Variants in SNX21 observed in about 807,000 individuals in gnomAD.
The protein encoded by SNX21 is sorting nexin-21.
In SNX21, 36 loss-of-function variants were observed where a neutral mutation model predicts 30.9. The observed-to-expected ratio is 1.16, with a 90% CI of 0.89 to 1.54. The LOEUF is 1.54. Ranked by LOEUF, SNX21 falls within the 40% of genes most tolerant of loss-of-function variation. The probability of loss-of-function intolerance (pLI) is 0.00; values close to 1 mark genes in which losing one functional copy is unlikely to be tolerated. For synonymous variants in SNX21, 218 were observed against 222.7 expected, an observed-to-expected ratio of 0.98 and a Z score of 0.19; for missense variants, 508 against 516.5, an observed-to-expected ratio of 0.98 and a Z score of 0.16.
At position 45,841,594 on chromosome 20, in the gene SNX21, T is replaced by C. The variant is rs969576357; in HGVS notation, c.*281T>C. 3.6e-6 allele frequency: 5 copies of C among 1,397,250 alleles called. No homozygotes were observed. The Admixed American group carries it at 1.0e-4, about 28-fold the overall frequency. The allele number at this position is 1,397,250 out of a possible 1,614,324, so 86.6% of individuals were successfully genotyped here. A position where few individuals can be genotyped will look rare whatever the true frequency, so the allele number is the denominator to read the frequency against. ...GGCACAGGTTGGGGCAATGTTCCCTTGTTGGTGGGCCCCCAAGCTGGCAAG... is the reference window on the plus strand; with the variant it reads ...GGCACAGGTTGGGGCAATGTTCCCTCGTTGGTGGGCCCCCAAGCTGGCAAG... On this transcript the variant is annotated 3_prime_UTR_variant, in exon 4 of 4. Coordinates refer to ENST00000491381, the MANE Select transcript of SNX21 (RefSeq NM_033421.4).
rs781508806 is a variant in SNX21 at position 45,841,345 on chromosome 20, G to A, written c.*32G>A. The A allele has an allele frequency of 2.6e-6, 4 of 1,519,692 alleles. No individual in the cohort carries two copies. The highest frequency in any genetic ancestry group is 3.5e-6 in the Non-Finnish European group (4 of 1,135,476). 94.1% of individuals were successfully genotyped at this position (1,519,692 alleles called of 1,614,324 possible). ...CCTAGATTTAAGGCCACTGTGAGGAGAGGGGTTGCCCCAGAAGGCAGGGGA... is the reference window on the plus strand; with the variant it reads ...CCTAGATTTAAGGCCACTGTGAGGAAAGGGGTTGCCCCAGAAGGCAGGGGA... On this transcript the variant is annotated 3_prime_UTR_variant, in exon 4 of 4. Coordinates refer to ENST00000491381, the MANE Select transcript of SNX21 (RefSeq NM_033421.4).
rs774557310 is a variant in SNX21 at position 45,841,806 on chromosome 20, C to T, written c.*493C>T. ...CAGGAATGGGGATAGATGGGAGGTT[C>T]TTGAAGCCCCAGGCGAAGCTGGTAC... On this transcript the variant is annotated 3_prime_UTR_variant, in exon 4 of 4. Transcript: ENST00000491381. The T allele has an allele frequency of 2.6e-6, 4 of 1,561,122 alleles. No individual in the cohort carries two copies. The highest frequency in any genetic ancestry group is 3.5e-6 in the Non-Finnish European group (4 of 1,159,300).
intron 3 of SNX21, among the ~76,000 whole-genome samples, chr20:45,837,478 T>C (rs1983642229): frequency 6.6e-6 from 1 of 152,226 alleles, no homozygotes; most frequent in Admixed American, 6.5e-5. Flanking sequence ...GGCTAGAGTA[T>C]TGTCAGTTCC....
At chr20:45,835,161 G>C (rs758522504) in intron 3 of SNX21, 45 bp downstream of exon 3, 5 of 1,559,730 alleles carry the variant, frequency 3.2e-6, no homozygotes, top group Non-Finnish European at 3.5e-6. Flanking sequence ...CCAGAAGTAT[G>C]GCTAGGAGCA....
At position 45,841,619 on chromosome 20, in the gene SNX21, G is replaced by A. The variant is rs1984132903; in HGVS notation, c.*306G>A. On this transcript the variant is annotated 3_prime_UTR_variant, in exon 4 of 4. Transcript: ENST00000491381. ...TGTTGGTGGGCCCCCAAGCTGGCAA[G>A]GCCTCTTGGCTGAAGGCCAGGGACT... 2 of 1,404,068 alleles carry A rather than the reference G, an allele frequency of 1.4e-6. No individual in the cohort carries two copies. Among genetic ancestry groups the A allele is most frequent in the African/African-American group, 2.9e-5 (2 of 69,058 alleles). The allele number at this position is 1,404,068 out of a possible 1,614,324, so 87.0% of individuals were successfully genotyped here.
chr20:45,835,068 C>T lies in SNX21; in HGVS notation c.399C>T (p.Phe133=), dbSNP rs370207536. 5.9e-5 allele frequency: 96 copies of T among 1,614,076 alleles called. No homozygotes were observed. The highest frequency in any genetic ancestry group is 7.9e-5 in the Non-Finnish European group (93 of 1,180,052). Residue 133 remains phenylalanine, a synonymous_variant, in exon 3 of 4, where the codon TTC becomes TTT. Transcript: ENST00000491381. ...RNTLAPQRLL[F]EVTSANVVKD... is the part of the protein sequence containing the mutation. Reference sequence around the variant, plus strand: ...CCTTGGCACCCCAGCGGCTGCTCTTCGAAGTGACCAGCGCTAACGTTGTCA... The same window carrying T: ...CCTTGGCACCCCAGCGGCTGCTCTTTGAAGTGACCAGCGCTAACGTTGTCA...
In SNX21 at chr20:45,842,057, T is replaced by A. The variant is rs1190705842; in HGVS notation, c.*744T>A. 1.9e-6 allele frequency: 3 copies of A among 1,545,168 alleles called. No homozygotes were observed. Among genetic ancestry groups the A allele is most frequent in the Admixed American group, 3.9e-5 (2 of 51,206 alleles). On this transcript the variant is annotated 3_prime_UTR_variant, in exon 4 of 4. Coordinates refer to ENST00000491381, the MANE Select transcript of SNX21 (RefSeq NM_033421.4). ...GAGTCTCACTAAGTTGCCAGGCTGGTCTCAAGCGCCTGGGTTCAAGGGATC... is the reference window on the plus strand; with the variant it reads ...GAGTCTCACTAAGTTGCCAGGCTGGACTCAAGCGCCTGGGTTCAAGGGATC...
In SNX21 at chr20:45,833,854, AC is replaced by A; in HGVS notation, c.-63del. 1 of 1,291,538 alleles carries A rather than the reference AC, an allele frequency of 7.7e-7. No homozygotes were observed. The highest frequency in any genetic ancestry group is 9.8e-7 in the Non-Finnish European group (1 of 1,016,230). 80.0% of individuals were successfully genotyped at this position (1,291,538 alleles called of 1,614,324 possible). A position where few individuals can be genotyped will look rare whatever the true frequency, so the allele number is the denominator to read the frequency against. On this transcript the variant is annotated 5_prime_UTR_variant, in exon 1 of 4. Transcript: ENST00000491381. ...CCTGAGCCCGGCGGAGCCCTGCAGA[AC>A]CCGGCCGACCTCCATGGGCTGCGGG...
Position 45,842,321 on chromosome 20 carries a change from C to G in SNX21, c.*1008C>G. ...TTAAAAGCACTTTCACACCTCTCCT[C>G]GCTTCCTCAAAAAGATCACAGAGGG... On this transcript the variant is annotated 3_prime_UTR_variant, in exon 4 of 4. Coordinates refer to ENST00000491381, the MANE Select transcript of SNX21 (RefSeq NM_033421.4). 1 of 1,400,830 alleles carries G rather than the reference C, an allele frequency of 7.1e-7. No homozygotes were observed. The highest frequency in any genetic ancestry group is 1.6e-5 in the South Asian group (1 of 61,546). 86.8% of individuals were successfully genotyped at this position (1,400,830 alleles called of 1,614,324 possible).
At chr20:45,835,483 G>A (rs1227517428) in intron 3 of SNX21, among the ~76,000 whole-genome samples, 6 of 152,198 alleles carry the variant, frequency 3.9e-5, no homozygotes, top group Non-Finnish European at 8.8e-5. Flanking sequence ...TGGGCTGGTA[G>A]TTAAGGAAAT....
chr20:45,840,224 T>A, intron 3 of SNX21: 1 of 1,422,572 alleles, frequency 7.0e-7, no homozygotes, highest in Non-Finnish European at 9.2e-7. Context: ...TGACCAGGGA[T>A]GTGGAGGCCA....
In SNX21 at chr20:45,834,391, A is replaced by G. The variant is rs746823628; in HGVS notation, c.212A>G (p.Asp71Gly). The G allele has an allele frequency of 5.0e-6, 8 of 1,598,946 alleles. No homozygotes were observed. In the Admixed American group the frequency reaches 5.1e-5, roughly 10 times the overall value. The stretch of plus-strand genomic sequence containing the variant: ...TTCACCAGCGCCGAGGACGACGAGG[A>G]CGACGAGGACGAGGACGACGAGGAG... ...LSFTSAEDDE[D>G]DEDEDDEEAG... is the part of the protein sequence containing the mutation. The change falls in exon 2 of 4, where the codon GAC becomes GGC. Residue 71 changes from aspartate to glycine, a missense_variant. By Grantham distance (94) the Asp-to-Gly change is moderately conservative. Coordinates refer to ENST00000491381, the MANE Select transcript of SNX21 (RefSeq NM_033421.4).
rs922687088 is a variant in SNX21 at position 45,840,381 on chromosome 20, G to A, written c.448-258G>A. On this transcript the variant is annotated intron_variant, in intron 3 of 3. Coordinates refer to ENST00000491381, the MANE Select transcript of SNX21 (RefSeq NM_033421.4). Reference sequence around the variant, plus strand: ...AGGGAGTACAAAAAAAGGGGCAGCAGCCCCGGGCACTGAAGCTCATCTCTG... The same window carrying A: ...AGGGAGTACAAAAAAAGGGGCAGCAACCCCGGGCACTGAAGCTCATCTCTG... 9.3e-6 allele frequency: 15 copies of A among 1,613,966 alleles called. No homozygotes were observed. In the East Asian group the frequency reaches 2.9e-4, roughly 31 times the overall value.
In SNX21 at chr20:45,834,030, G is replaced by A. The variant is rs984629171; in HGVS notation, c.21+90G>A. ...CGGTCCTAGGCTGAGTGGGTTGGGG[G>A]GAAAGCGATGCTGGCTGGGTCCCCT... On this transcript the variant is annotated intron_variant, in intron 1 of 3. Transcript: ENST00000491381. The A allele has an allele frequency of 7.7e-6, 11 of 1,419,624 alleles. No homozygotes were observed. In the Admixed American group the frequency reaches 1.9e-4, roughly 25 times the overall value. 87.9% of individuals were successfully genotyped at this position (1,419,624 alleles called of 1,614,324 possible).
chr20:45,841,847 GCT>G lies in SNX21; in HGVS notation c.*539_*540del. 6.2e-7 allele frequency: 1 copy of G among 1,604,288 alleles called. No individual in the cohort carries two copies. The highest frequency in any genetic ancestry group is 8.5e-7 in the Non-Finnish European group (1 of 1,176,908). ...AAGCTGGTACCTCTGGCTACAGCTT[GCT>G]CTCTGAGACCTGGGGCTTCACTCGG... On this transcript the variant is annotated 3_prime_UTR_variant, in exon 4 of 4. Coordinates refer to ENST00000491381, the MANE Select transcript of SNX21 (RefSeq NM_033421.4).
intron 3 of SNX21, among the ~76,000 whole-genome samples, chr20:45,836,640 A>T (rs1308032479): frequency 1.3e-5 from 2 of 152,118 alleles, no homozygotes; most frequent in African/African-American, 2.4e-5. Context: ...AGCTAGGACT[A>T]CAGCTGTGCA....
chr20:45,838,105 C>T lies in SNX21; in HGVS notation c.448-2534C>T, dbSNP rs550148065. 9.2e-5 allele frequency among the ~76,000 whole-genome samples: 14 copies of T among 151,590 alleles called. No individual in the cohort carries two copies. The South Asian group carries it at 1.9e-3, about 20-fold the overall frequency. The stretch of plus-strand genomic sequence containing the variant: ...TTTTTCTTAAATAAGTTTATCGAGA[C>T]GGAGTCTTGCTCTGTCGCCTAGGCT... On this transcript the variant is annotated intron_variant, in intron 3 of 3. Transcript: ENST00000491381.
In SNX21 at chr20:45,842,205, AGT is replaced by A; in HGVS notation, c.*895_*896del. The A allele has an allele frequency of 6.9e-7, 1 of 1,449,794 alleles. No homozygotes were observed. Among genetic ancestry groups the A allele is most frequent in the South Asian group, 1.4e-5 (1 of 70,934 alleles). The allele number at this position is 1,449,794 out of a possible 1,614,324, so 89.8% of individuals were successfully genotyped here. A position where few individuals can be genotyped will look rare whatever the true frequency, so the allele number is the denominator to read the frequency against. ...GGCTGCCCCACACAAGGGTGCACTG[AGT>A]GTCGTGGCTGCTCCAAATGCCCCTT... On this transcript the variant is annotated 3_prime_UTR_variant, in exon 4 of 4. Coordinates refer to ENST00000491381, the MANE Select transcript of SNX21 (RefSeq NM_033421.4).
In SNX21 at chr20:45,834,338, G is replaced by C; in HGVS notation, c.159G>C (p.Leu53=). ...TGGAGGACGACGACGCCGAGGGCCT[G>C]TCCTCCCGACTCAGCGGCACCCTCA... The part of the protein sequence containing the change: ...SELEDDDAEG[L]SSRLSGTLSF... The change falls in exon 2 of 4, where the codon CTG becomes CTC. Residue 53 remains leucine (L), a synonymous_variant. Coordinates refer to ENST00000491381, the MANE Select transcript of SNX21 (RefSeq NM_033421.4). 6.3e-7 allele frequency: 1 copy of C among 1,599,852 alleles called. No individual in the cohort carries two copies. Among genetic ancestry groups the C allele is most frequent in the Non-Finnish European group, 8.5e-7 (1 of 1,177,468 alleles).
Sources: allele counts gnomAD v4.1 joint callset (sites outside exome capture counted in the v4.1 genomes callset), GRCh38; gene constraint gnomAD v4.1.1; transcripts MANE v1.5; gene names NCBI Gene and HGNC (gene_info 2026-07-23, HGNC 2026-07-21).